The following HACD2 variants were observed in gnomAD, a reference collection of about 807,000 sequenced individuals.
HACD2 encodes the protein very-long-chain (3R)-3-hydroxyacyl-CoA dehydratase 2.
In HACD2, 15 loss-of-function variants were observed where a neutral mutation model predicts 31.0. The observed-to-expected ratio is 0.48, with a 90% CI of 0.32 to 0.75. HACD2 has a LOEUF of 0.75. Ranked by LOEUF, HACD2 falls within the 30% of genes least tolerant of loss-of-function variation. HACD2 has a pLI of 0.03. For missense variants in HACD2, 283 were observed against 313.0 expected, an observed-to-expected ratio of 0.90 and a Z score of 0.72; for synonymous variants, 115 against 122.2, an observed-to-expected ratio of 0.94 and a Z score of 0.39.
intron 3 of HACD2, among the ~76,000 whole-genome samples, chr3:123,541,938 G>C: frequency 6.6e-6 from 1 of 151,814 alleles, no homozygotes; most frequent in Non-Finnish European, 1.5e-5. Context: ...ACGAGGTCAG[G>C]AGATCGAGAC....
chr3:123,542,688 TGA>T (rs2056507754), intron 3 of HACD2, among the ~76,000 whole-genome samples: 1 of 152,258 alleles, frequency 6.6e-6, no homozygotes, highest in South Asian at 2.1e-4. Flanking sequence ...TGTTCTCCAC[TGA>T]GAGAGACATG....
At chr3:123,558,278 G>T (rs2056693067) in intron 3 of HACD2, among the ~76,000 whole-genome samples, 1 of 152,194 alleles carries the variant, frequency 6.6e-6, no homozygotes, top group African/African-American at 2.4e-5. Context: ...GTAGAGTACA[G>T]AAGATTTTTA....
At chr3:123,578,745 A>G (rs986065414) in intron 2 of HACD2, among the ~76,000 whole-genome samples, 1 of 152,254 alleles carries the variant, frequency 6.6e-6, no homozygotes, top group African/African-American at 2.4e-5. Flanking sequence ...AAAGAATAAC[A>G]TTTAGCATAA....
At chr3:123,573,167 CAT>C (rs2056873141) in intron 2 of HACD2, among the ~76,000 whole-genome samples, 3 of 152,208 alleles carry the variant, frequency 2.0e-5, no homozygotes, top group South Asian at 2.1e-4. Context: ...ATATTCTACA[CAT>C]ATATGATTTC....
chr3:123,556,516 T>G (rs1055468568), intron 3 of HACD2, among the ~76,000 whole-genome samples: 3 of 151,830 alleles, frequency 2.0e-5, no homozygotes. Flanking sequence ...TCATGTAATA[T>G]GTAAAGATCA....
chr3:123,525,435 C>T (rs1293780712), intron 4 of HACD2, among the ~76,000 whole-genome samples: 4 of 152,074 alleles, frequency 2.6e-5, no homozygotes, highest in Admixed American at 6.6e-5. Flanking sequence ...TCACAATGTA[C>T]GTGATGACAT....
intron 4 of HACD2, among the ~76,000 whole-genome samples, chr3:123,518,658 CAA>C (rs1355024909): frequency 6.6e-6 from 1 of 152,088 alleles, no homozygotes; most frequent in East Asian, 1.9e-4. Flanking sequence ...ATGCAGAAGG[CAA>C]AAGAGATTCA....
intron 3 of HACD2, among the ~76,000 whole-genome samples, chr3:123,549,862 T>A (rs1576771860): frequency 6.6e-6 from 1 of 151,452 alleles, no homozygotes; most frequent in East Asian, 1.9e-4. Flanking sequence ...GGTTTGAGGA[T>A]TTCTGGGGGT....
chr3:123,583,083 G>A (rs62264566), intron 1 of HACD2, among the ~76,000 whole-genome samples: 15,504 of 152,156 alleles, frequency 0.1, 1,050 homozygotes, highest in Non-Finnish European at 0.15. Context: ...GTATCAACTA[G>A]GCAATGGGGT....
Position 123,556,488 on chromosome 3 carries a change from T to C in HACD2, c.292+11274A>G, listed in dbSNP as rs183911692. Among the ~76,000 whole-genome samples, 182 of 151,478 alleles carry C rather than the reference T, an allele frequency of 1.2e-3. 4 individuals are homozygous for C. The highest frequency in any genetic ancestry group is 2.4e-4 in the Non-Finnish European group (16 of 67,922). ...TAGATGTGCATATTTTCAGGGTACATGTGATATTTTGACATATTCATGTAA... is the reference window on the plus strand; with the variant it reads ...TAGATGTGCATATTTTCAGGGTACACGTGATATTTTGACATATTCATGTAA... On this transcript the variant is annotated intron_variant, in intron 3 of 6. Transcript: ENST00000383657.
intron 2 of HACD2, among the ~76,000 whole-genome samples, chr3:123,581,916 G>A (rs1340888715): frequency 6.6e-6 from 1 of 152,040 alleles, no homozygotes; most frequent in Non-Finnish European, 1.5e-5. Flanking sequence ...ATCTGATTTT[G>A]CCAGTGCTTC....
intron 2 of HACD2, among the ~76,000 whole-genome samples, chr3:123,581,660 CT>C (rs2056967824): frequency 6.6e-6 from 1 of 152,194 alleles, no homozygotes; most frequent in Admixed American, 6.5e-5. Flanking sequence ...CAGAAAATTC[CT>C]TTTTTGCTTA....
intron 2 of HACD2, among the ~76,000 whole-genome samples, chr3:123,576,181 CA>C (rs1329828117): frequency 6.6e-6 from 1 of 152,028 alleles, no homozygotes; most frequent in Non-Finnish European, 1.5e-5. Flanking sequence ...TTTGAATCTT[CA>C]GTATCACCTA....
At chr3:123,558,984 G>A (rs1211479748) in intron 3 of HACD2, among the ~76,000 whole-genome samples, 1 of 152,070 alleles carries the variant, frequency 6.6e-6, no homozygotes, top group Non-Finnish European at 1.5e-5. Context: ...TGGATTTAAA[G>A]GTATCTTATG....
chr3:123,583,799 G>A (rs2107766199), intron 1 of HACD2, among the ~76,000 whole-genome samples: 1 of 152,298 alleles, frequency 6.6e-6, no homozygotes, highest in Admixed American at 6.5e-5. Flanking sequence ...ACTGCCTCGA[G>A]GGAGGGGAGC....
At chr3:123,566,052 C>A (rs1257934510) in intron 3 of HACD2, among the ~76,000 whole-genome samples, 1 of 152,114 alleles carries the variant, frequency 6.6e-6, no homozygotes, top group Non-Finnish European at 1.5e-5. Flanking sequence ...GCCCCCAAGC[C>A]ACTTTCAAAT....
chr3:123,533,397 C>T (rs1430546508), intron 3 of HACD2, among the ~76,000 whole-genome samples: 1 of 152,240 alleles, frequency 6.6e-6, no homozygotes, highest in Non-Finnish European at 1.5e-5. Flanking sequence ...GATCTGTCCG[C>T]CTCAGCATCC....
chr3:123,533,371 A>G (rs148021123), intron 3 of HACD2, among the ~76,000 whole-genome samples: 26 of 152,220 alleles, frequency 1.7e-4, no homozygotes, highest in African/African-American at 4.8e-4. Context: ...CTGGTCTCGA[A>G]CTCCTAAGCT....
At chr3:123,518,798 C>T (rs1198232231) in intron 4 of HACD2, among the ~76,000 whole-genome samples, 1 of 151,964 alleles carries the variant, frequency 6.6e-6, no homozygotes, top group African/African-American at 2.4e-5. Flanking sequence ...GAGTTCAAGA[C>T]CAGCCTGGCC....
Sources: gnomAD v4.1 joint callset for allele counts (sites outside exome capture counted in the v4.1 genomes callset) on GRCh38, gnomAD v4.1.1 for gene constraint, MANE v1.5 for transcripts, NCBI Gene and HGNC (gene_info 2026-07-23, HGNC 2026-07-21) for gene names.